Variants in PRSS54 observed in about 807,000 individuals in gnomAD.
PRSS54 encodes inactive serine protease 54.
A neutral mutation model predicts 19.9 loss-of-function variants in PRSS54; 16 were observed. The ratio of observed to expected loss-of-function variants is 0.80; its 90% CI spans 0.54 to 1.22. The LOEUF (loss-of-function observed/expected upper bound fraction) is 1.22. PRSS54 is among the 50% of genes most tolerant of loss of function. The pLI is 0.00. For synonymous variants in PRSS54, 177 were observed against 195.8 expected (o/e 0.90, Z 0.80); for missense variants, 444 against 494.8 (o/e 0.90, Z 0.97).
chr16:58,284,896 CT>C (rs1964877201), intron 5 of PRSS54, among the ~76,000 whole-genome samples, 175 bp from the exon 6 acceptor site: 1 of 151,490 alleles, frequency 6.6e-6, no homozygotes, highest in African/African-American at 2.4e-5. Context: ...CTCACTGCAA[CT>C]TCTGCCTTTC....
In PRSS54 at chr16:58,286,129, A is replaced by G; in HGVS notation, c.330T>C (p.Tyr110=). 2 of 1,614,156 alleles carry G rather than the reference A, an allele frequency of 1.2e-6. No homozygotes were observed. Among genetic ancestry groups the G allele is most frequent in the Non-Finnish European group, 1.7e-6 (2 of 1,179,986 alleles). The stretch of plus-strand genomic sequence containing the variant: ...CATGGATGATGATGGTATTGACTGG[A>G]TACTCTGTGTGAGCAATCTTGCTAG... ...MDPSKIAHTE[Y]PVNTIIIHED... Residue 110 remains tyrosine, a synonymous_variant, in exon 5 of 7, where the codon TAT becomes TAC. Transcript: ENST00000567164.
At chr16:58,293,123 G>A (rs1250933136) in intron 3 of PRSS54, among the ~76,000 whole-genome samples, 2 of 152,076 alleles carry the variant, frequency 1.3e-5, no homozygotes, top group African/African-American at 4.8e-5. Flanking sequence ...GAGGGTGTGT[G>A]TGGACTTTCT....
intron 4 of PRSS54, among the ~76,000 whole-genome samples, chr16:58,288,091 T>A (rs546416151): frequency 1.3e-5 from 2 of 152,152 alleles, no homozygotes; most frequent in Non-Finnish European, 2.9e-5. Flanking sequence ...TTCAATAATG[T>A]TAGAAAACAA....
At chr16:58,285,250 C>T (rs1964887680) in intron 5 of PRSS54, 1 of 155,230 alleles carries the variant, frequency 6.4e-6, no homozygotes, top group Middle Eastern at 3.1e-3. Context: ...TAGAGAGTAT[C>T]CATTTCCTTG....
In PRSS54 at chr16:58,280,365, C is replaced by T. The variant is rs533928814; in HGVS notation, c.1047G>A (p.Ala349=). The T allele has an allele frequency of 8.7e-6, 14 of 1,614,168 alleles. No individual in the cohort carries two copies. The Admixed American group carries it at 1.0e-4, about 12-fold the overall frequency. ...AGTCATAGTATAAGGGTTGTACAGA[C>T]GCCTCAGGAGACCTGCCTGATTCCT... The part of the protein sequence containing the change: ...DVKESGRSPE[A]SVQPLYYDYY... The change falls in exon 7 of 7, where the codon GCG becomes GCA. Residue 349 remains alanine, a synonymous_variant. Coordinates refer to ENST00000567164, the MANE Select transcript of PRSS54 (RefSeq NM_001305173.2).
chr16:58,294,186 C>A lies in PRSS54; in HGVS notation c.-208G>T, dbSNP rs1005391116. The A allele has an allele frequency of 4.9e-5, 12 of 246,972 alleles. No individual in the cohort carries two copies. The highest frequency in any genetic ancestry group is 9.8e-5 in the Admixed American group (2 of 20,470). The allele number at this position is 246,972 out of a possible 1,614,324, so 15.3% of individuals were successfully genotyped here. A position where few individuals can be genotyped will look rare whatever the true frequency, so the allele number is the denominator to read the frequency against. On this transcript the variant is annotated 5_prime_UTR_variant, in exon 2 of 7. Transcript: ENST00000567164. ...TTTGACTCGTGGAATTCAACCCTTG[C>A]CTTAACTCTGTAGCCATAAAATGCT...
chr16:58,284,539 GT>G, intron 6 of PRSS54, 50 bp downstream of exon 6: 1 of 1,608,938 alleles, frequency 6.2e-7, no homozygotes, highest in Non-Finnish European at 8.5e-7. Context: ...TCCCCTGGAT[GT>G]GACCAAGGCT....
At chr16:58,288,118 A>T (rs967306706) in intron 4 of PRSS54, among the ~76,000 whole-genome samples, 16 of 152,114 alleles carry the variant, frequency 1.1e-4, no homozygotes, top group South Asian at 2.1e-4. Context: ...AAACCCTAGC[A>T]CCTGGACATT....
At chr16:58,286,216 T>C (rs1427240198) in intron 4 of PRSS54, 21 bp from the exon 5 acceptor site, 1 of 1,612,196 alleles carries the variant, frequency 6.2e-7, no homozygotes, top group Non-Finnish European at 8.5e-7. Context: ...AGCAAGGGAA[T>C]CTTGAGAAGC....
intron 4 of PRSS54, among the ~76,000 whole-genome samples, chr16:58,289,873 G>A (rs983402631): frequency 4.6e-5 from 7 of 151,862 alleles, no homozygotes; most frequent in South Asian, 4.2e-4. Context: ...CACTGCACCC[G>A]GCTACACATG....
rs767013153 is a variant in PRSS54, at chr16:58,280,459, C to G, written c.953G>C (p.Arg318Thr). 4 of 1,614,158 alleles carry G rather than the reference C, an allele frequency of 2.5e-6. No homozygotes were observed. The South Asian group carries it at 4.4e-5, about 18-fold the overall frequency. The change falls in exon 7 of 7, where the codon AGG becomes ACG. Residue 318 changes from arginine (R) to threonine (T), a missense_variant. Physicochemically the swap from Arg to Thr is moderately conservative, Grantham distance 71. Coordinates refer to ENST00000567164, the MANE Select transcript of PRSS54 (RefSeq NM_001305173.2). ...HVGSYLQGQR[R>T]TITHSRLGNS... ...TCCTAGTCGTGAATGCGTGATGGTCCTTCTTTGTCCCTGCAAGTATGATCC... is the reference window on the plus strand; with the variant it reads ...TCCTAGTCGTGAATGCGTGATGGTCGTTCTTTGTCCCTGCAAGTATGATCC...
intron 6 of PRSS54, chr16:58,283,951 T>C (rs1490961264): frequency 1.3e-5 from 2 of 152,252 alleles, no homozygotes; most frequent in Non-Finnish European, 2.9e-5. Flanking sequence ...GGAGAGTGTG[T>C]GTTAAGCCTC....
At chr16:58,294,582 G>A (rs929353387) in intron 1 of PRSS54, among the ~76,000 whole-genome samples, 3 of 152,072 alleles carry the variant, frequency 2.0e-5, no homozygotes, top group South Asian at 2.1e-4. Context: ...GTTTCGTCAC[G>A]TTGGCCAGGC....
Position 58,294,670 on chromosome 16 carries a change from G to A in PRSS54, c.-232+217C>T, listed in dbSNP as rs12447838. Among the ~76,000 whole-genome samples the A allele has an allele frequency of 2.0e-3, 300 of 152,266 alleles. 8 individuals carry two copies. The East Asian group carries it at 0.027, about 14-fold the overall frequency. ...GCTGGGATTACCAGCGTGAGCCACC[G>A]TGCCCGGCCAATAGCCTGTATCTTT... On this transcript the variant is annotated intron_variant, in intron 1 of 6. Transcript: ENST00000567164.
In PRSS54 at chr16:58,293,564, T is replaced by G. The variant is rs550806023; in HGVS notation, c.85+168A>C. 1,208 of 985,444 alleles carry G rather than the reference T, an allele frequency of 1.2e-3. 3 individuals are homozygous for G. Among genetic ancestry groups the G allele is most frequent in the South Asian group, 1.9e-3 (40 of 21,288 alleles). 61.0% of individuals were successfully genotyped at this position (985,444 alleles called of 1,614,324 possible). ...CCTCCATCCACGTCCCATGATTCAC[T>G]TCTTTGCCTGGTTCCTGCCACCAAT... On this transcript the variant is annotated intron_variant, in intron 3 of 6. Coordinates refer to ENST00000567164, the MANE Select transcript of PRSS54 (RefSeq NM_001305173.2).
intron 4 of PRSS54, among the ~76,000 whole-genome samples, 177 bp downstream of exon 4, chr16:58,290,782 G>T (rs1403678708): frequency 6.6e-6 from 1 of 152,242 alleles, no homozygotes; most frequent in Non-Finnish European, 1.5e-5. Context: ...TCACAGCAGA[G>T]ATCAGGCTTG....
intron 4 of PRSS54, 70 bp from the exon 5 acceptor site, chr16:58,286,265 A>AT: frequency 6.4e-7 from 1 of 1,563,246 alleles, no homozygotes; most frequent in Non-Finnish European, 8.8e-7. Context: ...CTGTTTTCCC[A>AT]TTTAAGTTTT....
intron 3 of PRSS54, among the ~76,000 whole-genome samples, chr16:58,292,447 C>T (rs1965055599): frequency 6.6e-6 from 1 of 152,124 alleles, no homozygotes. Context: ...AGGGCTTCCC[C>T]CTGAGGGCAA....
At chr16:58,292,457 A>G (rs1211178349) in intron 3 of PRSS54, among the ~76,000 whole-genome samples, 1 of 152,192 alleles carries the variant, frequency 6.6e-6, no homozygotes, top group Non-Finnish European at 1.5e-5. Flanking sequence ...CCTGAGGGCA[A>G]CCTTGCATAT....
Sources: allele counts gnomAD v4.1 joint callset (sites outside exome capture counted in the v4.1 genomes callset), GRCh38; gene constraint gnomAD v4.1.1; transcripts MANE v1.5; gene names NCBI Gene and HGNC (gene_info 2026-07-23, HGNC 2026-07-21).